The following MTF2 variants were observed in gnomAD, a reference collection of about 807,000 sequenced individuals.
MTF2 encodes metal-response element-binding transcription factor 2.
Under a neutral mutation model 79.5 loss-of-function variants are expected in MTF2, and 11 were observed. The observed-to-expected ratio is 0.14, with a 90% CI of 0.09 to 0.23. The LOEUF is 0.23. Among genes scored for constraint, MTF2 ranks in the 10% least tolerant of loss-of-function variants. The pLI is 1.00. For synonymous variants in MTF2, 208 were observed against 232.8 expected (o/e 0.89, Z 0.97); for missense variants, 486 against 711.2 (o/e 0.68, Z 3.60).
In MTF2 at chr1:93,119,414, C is replaced by A. The variant is rs2101072450; in HGVS notation, c.797+13C>A. ...TACCATTACAGTGGTAAGTGTGGAC[C>A]TTTCTGTTAAAAGAAAGAAAAGCCA... On this transcript the variant is annotated intron_variant, in intron 8 of 14. Coordinates refer to ENST00000370298, the MANE Select transcript of MTF2 (RefSeq NM_007358.4). 1 of 1,563,396 alleles carries A rather than the reference C, an allele frequency of 6.4e-7. No homozygotes were observed. The highest frequency in any genetic ancestry group is 2.0e-5 in the Admixed American group (1 of 49,936).
rs1474285282 is a variant in MTF2 at position 93,134,167 on chromosome 1, A to G, written c.1396A>G (p.Thr466Ala). ...FTGASSAKET[T>A]SSSISRHYGL... ...GGGTGCTTCCAGTGCAAAAGAAACTACCTCGTCTAGCATTTCCAGGCATTA... is the reference window on the plus strand; with the variant it reads ...GGGTGCTTCCAGTGCAAAAGAAACTGCCTCGTCTAGCATTTCCAGGCATTA... The change falls in exon 14 of 15, where the codon ACC (threonine) becomes GCC (alanine). Residue 466 changes from threonine to alanine, a missense_variant. Thr to Ala is a moderately conservative substitution (Grantham distance 58). Transcript: ENST00000370298. 1 of 1,612,458 alleles carries G rather than the reference A, an allele frequency of 6.2e-7. No individual in the cohort carries two copies. The highest frequency in any genetic ancestry group is 1.1e-5 in the South Asian group (1 of 90,852).
chr1:93,084,694 C>T (rs958793152), intron 1 of MTF2, among the ~76,000 whole-genome samples: 25 of 152,144 alleles, frequency 1.6e-4, no homozygotes, highest in African/African-American at 5.5e-4. Context: ...GTACAATTCT[C>T]GAACTTCTTC....
At chr1:93,108,769 C>G (rs1655911157) in intron 1 of MTF2, among the ~76,000 whole-genome samples, 1 of 151,850 alleles carries the variant, frequency 6.6e-6, no homozygotes. Context: ...TTGGATATCT[C>G]TAAAATGTAT....
intron 1 of MTF2, among the ~76,000 whole-genome samples, chr1:93,092,542 T>G (rs981613221): frequency 6.6e-6 from 1 of 152,196 alleles, no homozygotes; most frequent in Non-Finnish European, 1.5e-5. Flanking sequence ...AGCTAATTCT[T>G]TATATCTCTA....
chr1:93,129,064 TCTC>T (rs1368863405), intron 10 of MTF2: 2 of 368,962 alleles, frequency 5.4e-6, no homozygotes, highest in African/African-American at 2.1e-5. Flanking sequence ...CATGTGCTCT[TCTC>T]CTTTCTGGTC....
chr1:93,120,713 CT>C, intron 9 of MTF2, 41 bp downstream of exon 9: 1 of 1,581,410 alleles, frequency 6.3e-7, no homozygotes, highest in East Asian at 2.3e-5. Context: ...TACTTGATGT[CT>C]TTTTTGTTTT....
At chr1:93,080,562 G>A (rs943966503) in intron 1 of MTF2, among the ~76,000 whole-genome samples, 1 of 152,216 alleles carries the variant, frequency 6.6e-6, no homozygotes, top group Non-Finnish European at 1.5e-5. Flanking sequence ...AGCTAGGCCT[G>A]TGTGTAATAC....
intron 11 of MTF2, 107 bp downstream of exon 11, chr1:93,129,555 CTGA>C: frequency 1.4e-6 from 1 of 701,406 alleles, no homozygotes. Flanking sequence ...GGCAGTTACT[CTGA>C]TTTTTTTTTT....
At chr1:93,126,819 A>G (rs1042911494) in intron 9 of MTF2, among the ~76,000 whole-genome samples, 1 of 152,062 alleles carries the variant, frequency 6.6e-6, no homozygotes, top group African/African-American at 2.4e-5. Context: ...TACTTTTTGT[A>G]CTTCCTATTG....
At chr1:93,122,919 C>T (rs1656537564) in intron 9 of MTF2, among the ~76,000 whole-genome samples, 1 of 152,106 alleles carries the variant, frequency 6.6e-6, no homozygotes, top group East Asian at 1.9e-4. Context: ...ATTTAGATTA[C>T]TTTCAAATGT....
intron 14 of MTF2, among the ~76,000 whole-genome samples, chr1:93,134,961 G>A (rs955795645): frequency 1.3e-5 from 2 of 151,688 alleles, no homozygotes; most frequent in Non-Finnish European, 2.9e-5. Context: ...GAAGGACAAC[G>A]TTTTTGTTTA....
At chr1:93,121,672 TTCA>T (rs373562647) in intron 9 of MTF2, 6 of 963,490 alleles carry the variant, frequency 6.2e-6, no homozygotes, top group Non-Finnish European at 7.4e-6. Flanking sequence ...AATTTTTGAA[TTCA>T]TCATTTGAGT....
At chr1:93,115,203 A>G (rs1161469412) in intron 5 of MTF2, 115 bp downstream of exon 5, 3 of 786,444 alleles carry the variant, frequency 3.8e-6, no homozygotes, top group African/African-American at 3.4e-5. Flanking sequence ...AATGCTGGGT[A>G]GAAAGAGGTG....
At chr1:93,086,288 G>C (rs1030365270) in intron 1 of MTF2, among the ~76,000 whole-genome samples, 13 of 152,272 alleles carry the variant, frequency 8.5e-5, no homozygotes, top group Non-Finnish European at 1.5e-4. Context: ...CGGATCGCTT[G>C]AGGCCAGGAG....
chr1:93,133,600 T>C (rs919872568), intron 11 of MTF2, 103 bp from the exon 12 acceptor site: 2 of 488,204 alleles, frequency 4.1e-6, no homozygotes, highest in African/African-American at 4.0e-5. Context: ...ACCATTAATA[T>C]AAAATAATAA....
intron 9 of MTF2, chr1:93,121,887 C>T (rs926153635): frequency 3.1e-5 from 12 of 385,846 alleles, no homozygotes; most frequent in Middle Eastern, 2.6e-3. Context: ...CCGCAACCTC[C>T]GCCTCCCAGG....
At chr1:93,091,994 T>C (rs1031601318) in intron 1 of MTF2, among the ~76,000 whole-genome samples, 2 of 152,232 alleles carry the variant, frequency 1.3e-5, no homozygotes, top group Admixed American at 6.5e-5. Flanking sequence ...GGATGTCGTC[T>C]TCTACTTTTT....
At chr1:93,105,766 C>T (rs1655752823) in intron 1 of MTF2, among the ~76,000 whole-genome samples, 1 of 152,028 alleles carries the variant, frequency 6.6e-6, no homozygotes. Context: ...ACCTCCACCT[C>T]CCGGGTTCAA....
intron 1 of MTF2, among the ~76,000 whole-genome samples, chr1:93,100,262 T>G (rs374044036): frequency 1.3e-5 from 2 of 152,154 alleles, no homozygotes; most frequent in East Asian, 3.9e-4. Context: ...CTATTTGCTA[T>G]TTTTATAAAA....
Sources: gnomAD v4.1 joint callset for allele counts (sites outside exome capture counted in the v4.1 genomes callset) on GRCh38, gnomAD v4.1.1 for gene constraint, MANE v1.5 for transcripts, NCBI Gene and HGNC (gene_info 2026-07-23, HGNC 2026-07-21) for gene names.